ZFHX3: variants seen among roughly 807,000 people sequenced by gnomAD.
ZFHX3 encodes zinc finger homeobox protein 3.
Under a neutral mutation model 279.1 loss-of-function variants are expected in ZFHX3, and 42 were observed. The observed-to-expected ratio is 0.15, with a 90% CI of 0.12 to 0.19. The LOEUF is 0.19. ZFHX3 is among the 10% of genes least tolerant of loss of function. ZFHX3 has a pLI of 1.00. For missense variants in ZFHX3, 4,981 were observed against 4,754.0 expected (o/e 1.05, Z -1.40); for synonymous variants, 2,293 against 1,957.8 (o/e 1.17, Z -4.52).
chr16:73,113,240 C>T (rs769670301), intron 7 of ZFHX3, among the ~76,000 whole-genome samples: 6 of 151,790 alleles, frequency 4.0e-5, no homozygotes, highest in Admixed American at 1.3e-4. Flanking sequence ...GAGAAGCTGC[C>T]AGAGGAAGTG....
chr16:73,449,553 T>C (rs765140293), intron 3 of ZFHX3, among the ~76,000 whole-genome samples: 1 of 152,102 alleles, frequency 6.6e-6, no homozygotes. Context: ...ATTCGCCTAA[T>C]AAAGGTAAAT....
intron 1 of ZFHX3, among the ~76,000 whole-genome samples, chr16:73,860,757 C>T (rs1204437693): frequency 6.6e-6 from 1 of 152,138 alleles, no homozygotes; most frequent in Non-Finnish European, 1.5e-5. Context: ...CCGTGCAGAA[C>T]TCTGCTTGTC....
chr16:73,296,144 G>C (rs142380446), intron 4 of ZFHX3, among the ~76,000 whole-genome samples: 224 of 151,968 alleles, frequency 1.5e-3, no homozygotes, highest in Non-Finnish European at 2.9e-3. Flanking sequence ...TGCATATTCT[G>C]TTTGGAAATA....
At position 72,787,481 on chromosome 16, in the gene ZFHX3, G is replaced by A. The variant is rs2035453719; in HGVS notation, c.10795C>T (p.Pro3599Ser). Reference protein sequence around the residue: ...SAAHSNDSPPPPSAAAPSSAS... With the variant: ...SAAHSNDSPPSPSAAAPSSAS... ...GAGGAGGGGGCGGCGGCCGACGGGG[G>A]AGGGGGGCTGTCGTTTGAGTGAGCG... The change falls in exon 10 of 10, where the codon CCC becomes TCC. Residue 3599 changes from proline to serine, a missense_variant. Physicochemically the swap from Pro to Ser is moderately conservative, Grantham distance 74. Coordinates refer to ENST00000268489, the MANE Select transcript of ZFHX3 (RefSeq NM_006885.4). 1.2e-6 allele frequency: 2 copies of A among 1,606,942 alleles called. No individual in the cohort carries two copies. The highest frequency in any genetic ancestry group is 1.7e-6 in the Non-Finnish European group (2 of 1,175,762).
chr16:73,883,397 ATATG>A (rs996146002), intron 1 of ZFHX3, among the ~76,000 whole-genome samples: 29 of 107,444 alleles, frequency 2.7e-4, no homozygotes, highest in Non-Finnish European at 4.8e-4. Context: ...TAAGCCATAT[ATATG>A]TGTGTGTGTG....
At chr16:72,854,938 T>TTGG (rs1555524266) in intron 4 of ZFHX3, among the ~76,000 whole-genome samples, 2 of 73,920 alleles carry the variant, frequency 2.7e-5, no homozygotes, top group African/African-American at 5.4e-5. Flanking sequence ...AATTGGTGGG[T>TTGG]GGGGGGGGGG....
At chr16:73,837,992 G>T (rs1016524107) in intron 1 of ZFHX3, among the ~76,000 whole-genome samples, 1 of 152,218 alleles carries the variant, frequency 6.6e-6, no homozygotes, top group Non-Finnish European at 1.5e-5. Flanking sequence ...AGGGATAGAA[G>T]ATTGTCCATA....
chr16:73,093,196 C>T lies in ZFHX3; in HGVS notation c.-533+39G>A, dbSNP rs372282793. ...GAGGTTTTCGGGAAACTCTGGACGA[C>T]CACGCGCATGCAGAGGTAAGGGAAT... is the stretch of plus-strand genomic sequence containing the variant. On this transcript the variant is annotated intron_variant, in intron 8 of 17. Transcript: ENST00000641206. 10 of 519,984 alleles carry T rather than the reference C, an allele frequency of 1.9e-5. 1 individual carries two copies. The highest frequency in any genetic ancestry group is 7.7e-5 in the African/African-American group (4 of 52,060). The allele number at this position is 519,984 out of a possible 1,614,324, so 32.2% of individuals were successfully genotyped here. A position where few individuals can be genotyped will look rare whatever the true frequency, so the allele number is the denominator to read the frequency against.
At chr16:72,968,054 G>C (rs529690203) in intron 1 of ZFHX3, among the ~76,000 whole-genome samples, 2 of 151,420 alleles carry the variant, frequency 1.3e-5, no homozygotes, top group Non-Finnish European at 2.9e-5. Context: ...TGGAGAACCT[G>C]GCAGACACCA....
At chr16:73,250,909 C>T (rs1274460258) in intron 5 of ZFHX3, among the ~76,000 whole-genome samples, 1 of 152,032 alleles carries the variant, frequency 6.6e-6, no homozygotes, top group Non-Finnish European at 1.5e-5. Context: ...TTTTTCCCTT[C>T]CTTCAATACA....
intron 7 of ZFHX3, among the ~76,000 whole-genome samples, chr16:72,804,514 T>C (rs982963439): frequency 2.6e-5 from 4 of 152,196 alleles, no homozygotes; most frequent in Non-Finnish European, 5.9e-5. Flanking sequence ...GAACTGCCCT[T>C]GATCTACTAG....
rs976350303 is a variant in ZFHX3, at chr16:73,573,795, C to T, written c.-1547+106385G>A. Among the ~76,000 whole-genome samples the T allele has an allele frequency of 2.6e-5, 4 of 152,086 alleles. No individual in the cohort carries two copies. The South Asian group carries it at 6.2e-4, about 24-fold the overall frequency. On this transcript the variant is annotated intron_variant, in intron 2 of 17. Transcript: ENST00000641206. The stretch of plus-strand genomic sequence containing the variant: ...ATGCCTGTGTATATGAATAGAAAAC[C>T]GTACACAATGTAATGACCTATTACA...
At chr16:73,802,836 T>C (rs1960180406) in intron 1 of ZFHX3, among the ~76,000 whole-genome samples, 1 of 152,232 alleles carries the variant, frequency 6.6e-6, no homozygotes, top group Non-Finnish European at 1.5e-5. Flanking sequence ...TTTTTGTTTT[T>C]TAATAGAGCC....
intron 2 of ZFHX3, among the ~76,000 whole-genome samples, chr16:73,608,296 A>G (rs1298976576): frequency 1.3e-5 from 2 of 152,194 alleles, no homozygotes; most frequent in Non-Finnish European, 2.9e-5. Context: ...CATAAATCCA[A>G]AAGATAAGTG....
In ZFHX3 at chr16:72,798,174, T is replaced by A. The variant is rs778050021; in HGVS notation, c.4508A>T (p.Gln1503Leu). The part of the protein sequence containing the change: ...KEEESDLEDK[Q>L]SPTGSDSGSV... The stretch of plus-strand genomic sequence containing the variant: ...CCCAGAGTCACTGCCCGTTGGGCTC[T>A]GTTTATCTTCCAAGTCACTCTCTTC... Residue 1503 changes from glutamine to leucine, a missense_variant, in exon 9 of 10, where the codon CAG becomes CTG. Physicochemically the swap from Gln to Leu is moderately radical, Grantham distance 113 (BLOSUM62 -2). Around this residue, in one of 7 missense-constraint regions of ZFHX3, gnomAD observed 1,751 missense variants for 1,770.0 expected, o/e 0.99. Coordinates refer to ENST00000268489, the MANE Select transcript of ZFHX3 (RefSeq NM_006885.4). 2 of 1,614,228 alleles carry A rather than the reference T, an allele frequency of 1.2e-6. No homozygotes were observed. Among genetic ancestry groups the A allele is most frequent in the South Asian group, 2.2e-5 (2 of 91,082 alleles).
At position 72,804,480 on chromosome 16, in the gene ZFHX3, A is replaced by G. The variant is rs186940781; in HGVS notation, c.3865-4351T>C. 8.9e-4 allele frequency among the ~76,000 whole-genome samples: 136 copies of G among 152,360 alleles called. 1 individual carries two copies. Among genetic ancestry groups the G allele is most frequent in the South Asian group, 1.9e-3 (9 of 4,824 alleles). Reference sequence around the variant, plus strand: ...AATTTTAGGAAATTACAAGCTCCCCAGAAGGAAATCCATGTACTCAAGTGA... The same window carrying G: ...AATTTTAGGAAATTACAAGCTCCCCGGAAGGAAATCCATGTACTCAAGTGA... On this transcript the variant is annotated intron_variant, in intron 7 of 9. Coordinates refer to ENST00000268489, the MANE Select transcript of ZFHX3 (RefSeq NM_006885.4).
chr16:73,344,575 T>G (rs1379204589), intron 3 of ZFHX3, among the ~76,000 whole-genome samples: 1 of 152,194 alleles, frequency 6.6e-6, no homozygotes, highest in Non-Finnish European at 1.5e-5. Flanking sequence ...GTACTGTGAT[T>G]AGGTAAAACA....
At chr16:73,606,953 G>A (rs1407710281) in intron 2 of ZFHX3, among the ~76,000 whole-genome samples, 1 of 151,912 alleles carries the variant, frequency 6.6e-6, no homozygotes, top group Non-Finnish European at 1.5e-5. Flanking sequence ...CTCCAGCTCT[G>A]AGCAACAGAG....
intron 5 of ZFHX3, among the ~76,000 whole-genome samples, chr16:73,162,431 C>G (rs1391792541): frequency 2.0e-5 from 3 of 152,180 alleles, no homozygotes; most frequent in Non-Finnish European, 1.5e-5. Flanking sequence ...ACTGATTCTA[C>G]ATGATGGTGA....
Sources: gnomAD v4.1 joint callset for allele counts (sites outside exome capture counted in the v4.1 genomes callset) on GRCh38, gnomAD v4.1.1 for gene constraint, gnomAD v4.1.1 regional missense constraint, MANE v1.5 for transcripts, NCBI Gene and HGNC (gene_info 2026-07-23, HGNC 2026-07-21) for gene names.